RAD51B: variants seen among roughly 807,000 people sequenced by gnomAD.
RAD51B encodes RAD51 paralog B.
In RAD51B, 38 loss-of-function variants were observed where a neutral mutation model predicts 42.2. The observed-to-expected ratio is 0.90, with a 90% confidence interval of 0.70 to 1.18. The LOEUF (loss-of-function observed/expected upper bound fraction) is 1.18, where lower values mean the gene tolerates loss of function less well. Among genes scored for constraint, RAD51B ranks in the 50% most tolerant of loss-of-function variants. The probability of loss-of-function intolerance (pLI) is 0.00; values close to 1 mark genes in which losing one functional copy is unlikely to be tolerated. For missense variants in RAD51B, 373 were observed against 400.7 expected (o/e 0.93, Z 0.59); for synonymous variants, 154 against 145.2 (o/e 1.06, Z -0.43).
At chr14:68,377,908 T>A (rs550498053) in intron 8 of RAD51B, among the ~76,000 whole-genome samples, 2 of 152,352 alleles carry the variant, frequency 1.3e-5, no homozygotes, top group East Asian at 3.9e-4. Context: ...GATTTTAAAC[T>A]TTTTATGAAG....
At chr14:68,528,174 C>A (rs150737713) in intron 10 of RAD51B, among the ~76,000 whole-genome samples, 33 of 152,216 alleles carry the variant, frequency 2.2e-4, no homozygotes, top group Middle Eastern at 3.4e-3. Flanking sequence ...GAGCATAATC[C>A]CTGCATGGTT....
intron 7 of RAD51B, among the ~76,000 whole-genome samples, chr14:68,143,882 T>C (rs1268721769): frequency 6.6e-6 from 1 of 152,200 alleles, no homozygotes; most frequent in Non-Finnish European, 1.5e-5. Context: ...GTTCTCACTC[T>C]CTTTCCTTGG....
At chr14:68,575,680 A>T (rs1302690184) in intron 10 of RAD51B, among the ~76,000 whole-genome samples, 1 of 152,194 alleles carries the variant, frequency 6.6e-6, no homozygotes, top group Non-Finnish European at 1.5e-5. Flanking sequence ...TGTTCATTCT[A>T]GAAGCTTCAG....
rs538058944 is a variant in RAD51B, at chr14:68,193,815, C to T, written c.757-98069C>T. On this transcript the variant is annotated intron_variant, in intron 7 of 10. Transcript: ENST00000471583. ...TGTGTTAATTTAGCCCGCCTTCAAA[C>T]TTCTTAACCAATGGCTTCCACTCTA... Among the ~76,000 whole-genome samples, 3 of 152,300 alleles carry T rather than the reference C, an allele frequency of 2.0e-5. No homozygotes were observed. The East Asian group carries it at 5.8e-4, about 29-fold the overall frequency.
chr14:67,841,408 TGCAGAA>T (rs2041423054), intron 4 of RAD51B, among the ~76,000 whole-genome samples: 1 of 152,224 alleles, frequency 6.6e-6, no homozygotes, highest in South Asian at 2.1e-4. Flanking sequence ...TCTTTTGCTG[TGCAGAA>T]GCTCTTTAGT....
chr14:68,512,490 C>A (rs1885797568), intron 10 of RAD51B, among the ~76,000 whole-genome samples: 1 of 152,198 alleles, frequency 6.6e-6, no homozygotes, highest in Non-Finnish European at 1.5e-5. Context: ...AGAAATTAAA[C>A]CAGCAAATCT....
intron 9 of RAD51B, among the ~76,000 whole-genome samples, chr14:68,415,712 A>T (rs1451882746): frequency 6.6e-6 from 1 of 152,198 alleles, no homozygotes; most frequent in Non-Finnish European, 1.5e-5. Flanking sequence ...AGTGCCTTCT[A>T]GCGAGGGCTG....
At chr14:68,312,328 G>A (rs1009142607) in intron 8 of RAD51B, among the ~76,000 whole-genome samples, 2 of 152,206 alleles carry the variant, frequency 1.3e-5, no homozygotes, top group African/African-American at 4.8e-5. Flanking sequence ...CGGATCCACC[G>A]TTCTGCTTCT....
intron 7 of RAD51B, among the ~76,000 whole-genome samples, chr14:68,225,227 C>G (rs1022508457): frequency 1.3e-5 from 2 of 152,176 alleles, no homozygotes; most frequent in African/African-American, 4.8e-5. Context: ...ATTATTTGCA[C>G]TAATGGAGGA....
chr14:68,051,405 A>G (rs1016508090), intron 7 of RAD51B, among the ~76,000 whole-genome samples: 1 of 152,070 alleles, frequency 6.6e-6, no homozygotes. Flanking sequence ...TTTGTTTTCA[A>G]CATATATATT....
At chr14:67,941,632 G>T (rs965749174) in intron 7 of RAD51B, among the ~76,000 whole-genome samples, 6 of 152,190 alleles carry the variant, frequency 3.9e-5, no homozygotes, top group East Asian at 1.9e-4. Context: ...CGGGCTCTGT[G>T]TCAGGACTGG....
chr14:68,237,218 C>A (rs530702683), intron 7 of RAD51B, among the ~76,000 whole-genome samples: 133 of 152,286 alleles, frequency 8.7e-4, no homozygotes, highest in African/African-American at 3.0e-3. Context: ...TCCCTCCTGA[C>A]TCTGGAAGAA....
chr14:68,150,576 T>A (rs189356370), intron 7 of RAD51B, among the ~76,000 whole-genome samples: 9 of 152,378 alleles, frequency 5.9e-5, no homozygotes, highest in Admixed American at 3.9e-4. Flanking sequence ...TTGATGCTAG[T>A]CTAAATGGTA....
At chr14:68,207,154 A>G (rs1468338908) in intron 7 of RAD51B, among the ~76,000 whole-genome samples, 3 of 152,102 alleles carry the variant, frequency 2.0e-5, no homozygotes, top group Non-Finnish European at 4.4e-5. Context: ...TGTGCTCATT[A>G]CTATTGAGGT....
intron 8 of RAD51B, among the ~76,000 whole-genome samples, chr14:68,353,523 C>T (rs528616877): frequency 5.3e-5 from 8 of 152,144 alleles, no homozygotes; most frequent in Non-Finnish European, 4.4e-5. Context: ...TTTCTCCTGT[C>T]TCTTTCTCAG....
chr14:68,275,663 T>C (rs1801022023), intron 7 of RAD51B, among the ~76,000 whole-genome samples: 1 of 152,144 alleles, frequency 6.6e-6, no homozygotes, highest in African/African-American at 2.4e-5. Flanking sequence ...TAGAGAAGTC[T>C]TTCATAAAAA....
intron 7 of RAD51B, among the ~76,000 whole-genome samples, chr14:68,229,566 G>C (rs1188216655): frequency 6.6e-6 from 1 of 152,196 alleles, no homozygotes; most frequent in Non-Finnish European, 1.5e-5. Flanking sequence ...CTTTGGAGTA[G>C]ATATCTGCAA....
At chr14:68,451,368 T>C (rs1429496979) in intron 9 of RAD51B, among the ~76,000 whole-genome samples, 1 of 152,232 alleles carries the variant, frequency 6.6e-6, no homozygotes. Context: ...TCTATGGTTA[T>C]ATATAGTGTA....
chr14:68,536,244 C>G (rs954111044), intron 10 of RAD51B, among the ~76,000 whole-genome samples: 9 of 152,188 alleles, frequency 5.9e-5, no homozygotes, highest in Non-Finnish European at 8.8e-5. Context: ...CCAGCAATAT[C>G]CACAGACTGT....
Sources: allele counts gnomAD v4.1 joint callset (sites outside exome capture counted in the v4.1 genomes callset), GRCh38; gene constraint gnomAD v4.1.1; transcripts MANE v1.5; gene names NCBI Gene and HGNC (gene_info 2026-07-23, HGNC 2026-07-21).